NBAS: variants seen among roughly 807,000 people sequenced by gnomAD.
NBAS encodes the protein NAG/BC035112 fusion.
Under a neutral mutation model 302.5 loss-of-function variants are expected in NBAS, and 219 were observed. The observed-to-expected ratio is 0.72, with a 90% CI of 0.65 to 0.81. The LOEUF (loss-of-function observed/expected upper bound fraction) is 0.81, where lower values mean the gene tolerates loss of function less well. Among genes scored for constraint, NBAS ranks in the 30% least tolerant of loss-of-function variants. The pLI is 0.00. For synonymous variants in NBAS, 1,118 were observed against 1,021.6 expected (o/e 1.09, Z -1.80); for missense variants, 2,932 against 2,841.6 (o/e 1.03, Z -0.72).
At chr2:14,964,726 T>C in the NBAS span, among the ~76,000 whole-genome samples, 2 of 152,156 alleles carry the variant, frequency 1.3e-5, no homozygotes, top group African/African-American at 4.8e-5. Flanking sequence ...TTATGGACAA[T>C]GGCACAATAT....
chr2:14,787,015 G>C, the NBAS span, among the ~76,000 whole-genome samples: 1 of 152,152 alleles, frequency 6.6e-6, no homozygotes, highest in Non-Finnish European at 1.5e-5. Context: ...CCCGTATTGG[G>C]TGCATATATA....
intron 50 of NBAS, among the ~76,000 whole-genome samples, chr2:15,180,784 G>A (rs1346325474): frequency 6.6e-6 from 1 of 152,192 alleles, no homozygotes; most frequent in African/African-American, 2.4e-5. Context: ...AGCCACATGG[G>A]GCCAGCGGCT....
At chr2:14,866,959 G>A in the NBAS span, among the ~76,000 whole-genome samples, 1 of 152,134 alleles carries the variant, frequency 6.6e-6, no homozygotes, top group African/African-American at 2.4e-5. Flanking sequence ...GCGACACTGA[G>A]TCATAATAAT....
At chr2:15,362,593 C>A (rs1232491106) in intron 32 of NBAS, among the ~76,000 whole-genome samples, 1 of 152,108 alleles carries the variant, frequency 6.6e-6, no homozygotes, top group Admixed American at 6.5e-5. Flanking sequence ...GATTTAGTAA[C>A]AGTAACATAT....
At chr2:14,799,994 A>G in the NBAS span, among the ~76,000 whole-genome samples, 3 of 152,170 alleles carry the variant, frequency 2.0e-5, no homozygotes, top group African/African-American at 7.2e-5. Context: ...TCAGGTTTTT[A>G]AATCCAATCT....
At chr2:15,172,130 TCA>T (rs1572391681) in intron 51 of NBAS, among the ~76,000 whole-genome samples, 1 of 152,216 alleles carries the variant, frequency 6.6e-6, no homozygotes, top group East Asian at 1.9e-4. Flanking sequence ...TGGGAATGCA[TCA>T]GTGTCACATC....
At chr2:15,412,895 G>T (rs114736524) in intron 25 of NBAS, among the ~76,000 whole-genome samples, 1 of 151,996 alleles carries the variant, frequency 6.6e-6, no homozygotes. Context: ...CTACATAAAC[G>T]CTTGCCTGTT....
At chr2:14,899,294 C>T in the NBAS span, among the ~76,000 whole-genome samples, 6 of 152,244 alleles carry the variant, frequency 3.9e-5, no homozygotes, top group Non-Finnish European at 7.3e-5. Context: ...GTGCCCACAG[C>T]AGTCCAGATG....
the NBAS span, among the ~76,000 whole-genome samples, chr2:14,999,960 T>C: frequency 6.6e-6 from 1 of 152,236 alleles, no homozygotes; most frequent in African/African-American, 2.4e-5. Flanking sequence ...CAAATGACAG[T>C]GTGAACTTTG....
the NBAS span, among the ~76,000 whole-genome samples, chr2:14,802,431 T>C: frequency 6.6e-6 from 1 of 151,632 alleles, no homozygotes; most frequent in Non-Finnish European, 1.5e-5. Flanking sequence ...TGTAGCCTTG[T>C]AGTATAGTTT....
the NBAS span, among the ~76,000 whole-genome samples, chr2:15,059,549 C>T: frequency 6.6e-6 from 1 of 152,088 alleles, no homozygotes; most frequent in East Asian, 1.9e-4. Flanking sequence ...AGGGCCCCTT[C>T]AGAGACCACC....
At chr2:14,807,820 G>T in the NBAS span, among the ~76,000 whole-genome samples, 4 of 152,058 alleles carry the variant, frequency 2.6e-5, no homozygotes, top group Non-Finnish European at 4.4e-5. Flanking sequence ...AGTAACAAAC[G>T]CTCTGAAGAT....
chr2:15,312,167 G>T (rs1213213012), intron 38 of NBAS, among the ~76,000 whole-genome samples: 1 of 152,190 alleles, frequency 6.6e-6, no homozygotes, highest in Non-Finnish European at 1.5e-5. Context: ...TGCGTCACCA[G>T]ATCTTCGTCC....
the NBAS span, among the ~76,000 whole-genome samples, chr2:14,794,552 G>A: frequency 2.0e-5 from 3 of 152,016 alleles, no homozygotes; most frequent in Admixed American, 2.0e-4. Context: ...ATAAATAAAT[G>A]TTTATGTTTT....
rs191122112 is a variant in NBAS, at chr2:15,411,412, C to T, written c.2937+4134G>A. ...CCTTGTTCTCCTAAAAGTTCAACCA[C>T]GCAGGTAAGCAGATTTTTTAAAATT... On this transcript the variant is annotated intron_variant, in intron 25 of 51. Coordinates refer to ENST00000281513, the MANE Select transcript of NBAS (RefSeq NM_015909.4). Among the ~76,000 whole-genome samples, 13 of 152,262 alleles carry T rather than the reference C, an allele frequency of 8.5e-5. No individual in the cohort carries two copies. In the East Asian group the frequency reaches 1.2e-3, roughly 14 times the overall value.
At chr2:15,391,039 G>A (rs1322648934) in intron 28 of NBAS, among the ~76,000 whole-genome samples, 3 of 152,046 alleles carry the variant, frequency 2.0e-5, no homozygotes, top group African/African-American at 7.3e-5. Flanking sequence ...GAACCCTGGA[G>A]GTGGGGGTTG....
intron 44 of NBAS, among the ~76,000 whole-genome samples, chr2:15,271,300 G>T (rs1669310178): frequency 6.6e-6 from 1 of 152,172 alleles, no homozygotes; most frequent in African/African-American, 2.4e-5. Context: ...AAGCAAGTAA[G>T]CAGGGATACT....
chr2:15,098,018 G>C, the NBAS span, among the ~76,000 whole-genome samples: 3 of 71,856 alleles, frequency 4.2e-5, no homozygotes, highest in African/African-American at 1.2e-4. Context: ...ATATTATATT[G>C]TATATAATAT....
At chr2:14,859,458 T>A in the NBAS span, among the ~76,000 whole-genome samples, 3 of 151,958 alleles carry the variant, frequency 2.0e-5, no homozygotes, top group Admixed American at 6.6e-5. Flanking sequence ...AAGATTGTAA[T>A]AACCAAATCA....
Sources: allele counts gnomAD v4.1 joint callset (sites outside exome capture counted in the v4.1 genomes callset), GRCh38; gene constraint gnomAD v4.1.1; transcripts MANE v1.5; gene names NCBI Gene and HGNC (gene_info 2026-07-23, HGNC 2026-07-21).